Variants in NIPAL2 observed in about 807,000 individuals in gnomAD.
NIPAL2 encodes NIPA like domain containing 2.
In NIPAL2, 43 loss-of-function variants were observed where a neutral mutation model predicts 48.9. That is an observed-to-expected ratio of 0.88 (90% CI 0.69 to 1.13). The LOEUF (loss-of-function observed/expected upper bound fraction) is 1.13. NIPAL2 is among the 50% of genes most tolerant of loss of function. The pLI is 0.00. For synonymous variants in NIPAL2, 167 were observed against 174.6 expected (o/e 0.96, Z 0.34); for missense variants, 446 against 461.4 (o/e 0.97, Z 0.31).
intron 1 of NIPAL2, among the ~76,000 whole-genome samples, chr8:98,287,058 G>A (rs1407700800): frequency 2.6e-5 from 4 of 152,054 alleles, no homozygotes; most frequent in African/African-American, 4.8e-5. Flanking sequence ...GGGGAAGGGG[G>A]TAGTTAACAG....
intron 4 of NIPAL2, among the ~76,000 whole-genome samples, chr8:98,232,245 T>C (rs967311977): frequency 1.6e-4 from 25 of 152,164 alleles, no homozygotes; most frequent in Admixed American, 2.0e-4. Flanking sequence ...TTCATTCCTA[T>C]GACACTAGAT....
chr8:98,285,499 CA>C (rs1218998506), intron 1 of NIPAL2, among the ~76,000 whole-genome samples: 7 of 152,046 alleles, frequency 4.6e-5, no homozygotes, highest in Non-Finnish European at 7.4e-5. Context: ...CTCTTTCTTC[CA>C]GGGGGGTGAA....
intron 3 of NIPAL2, among the ~76,000 whole-genome samples, chr8:98,250,566 T>C (rs1813535774): frequency 6.6e-6 from 1 of 152,188 alleles, no homozygotes; most frequent in Admixed American, 6.5e-5. Context: ...TGAGTTGTGT[T>C]TGAGGCTGTA....
At chr8:98,208,461 T>C (rs1197961930) in intron 6 of NIPAL2, among the ~76,000 whole-genome samples, 1 of 152,208 alleles carries the variant, frequency 6.6e-6, no homozygotes, top group Non-Finnish European at 1.5e-5. Context: ...AGTACTTTTT[T>C]TTTTGATGTG....
Position 98,222,601 on chromosome 8 carries a change from C to T in NIPAL2, c.437-1G>A, listed in dbSNP as rs758517512. ...GTTCCTGCAAATGCCAGTGTCGTAC[C>T]TTTAAATAAAATTGAAAAGAAAAAC... On this transcript the variant is annotated splice_acceptor_variant, in intron 4 of 10. Transcript: ENST00000430223. LOFTEE classifies it high-confidence loss of function. 2.5e-6 allele frequency: 4 copies of T among 1,609,146 alleles called. No individual in the cohort carries two copies. The highest frequency in any genetic ancestry group is 1.1e-5 in the South Asian group (1 of 89,548).
At chr8:98,281,125 G>A (rs770743446) in intron 1 of NIPAL2, among the ~76,000 whole-genome samples, 23 of 152,056 alleles carry the variant, frequency 1.5e-4, no homozygotes, top group Non-Finnish European at 1.5e-4. Flanking sequence ...CTATGTAGAG[G>A]GAAAGGACAT....
intron 4 of NIPAL2, among the ~76,000 whole-genome samples, chr8:98,234,922 G>A (rs1812633161): frequency 6.6e-6 from 1 of 151,898 alleles, no homozygotes; most frequent in Non-Finnish European, 1.5e-5. Context: ...TATAAAAAAG[G>A]GTATAGAAAA....
In NIPAL2 at chr8:98,189,928, C is replaced by T. The variant is rs1810235070; in HGVS notation, c.*3050G>A. ...GCAAACATTTAAGCCAAAAAACAATCATATGGCAAAGGCCTCTGCTTTAAT... is the reference window on the plus strand; with the variant it reads ...GCAAACATTTAAGCCAAAAAACAATTATATGGCAAAGGCCTCTGCTTTAAT... On this transcript the variant is annotated 3_prime_UTR_variant, in exon 11 of 11. Coordinates refer to ENST00000430223, the MANE Select transcript of NIPAL2 (RefSeq NM_001321635.2). 6.6e-6 allele frequency: 1 copy of T among 152,202 alleles called. No homozygotes were observed. Among genetic ancestry groups the T allele is most frequent in the African/African-American group, 2.4e-5 (1 of 41,468 alleles). 9.4% of individuals were successfully genotyped at this position (152,202 alleles called of 1,614,324 possible).
intron 1 of NIPAL2, among the ~76,000 whole-genome samples, chr8:98,283,071 A>C (rs1272715426): frequency 6.6e-6 from 1 of 152,220 alleles, no homozygotes; most frequent in Non-Finnish European, 1.5e-5. Context: ...TTTCATGCCA[A>C]TTTTTAATCA....
chr8:98,251,554 C>T (rs552498151), intron 3 of NIPAL2: 1 of 152,164 alleles, frequency 6.6e-6, no homozygotes, highest in Admixed American at 6.5e-5. Flanking sequence ...TCTATTAGAC[C>T]TCATTAAAGT....
At chr8:98,202,662 C>A (rs991357198) in intron 8 of NIPAL2, among the ~76,000 whole-genome samples, 2 of 152,266 alleles carry the variant, frequency 1.3e-5, no homozygotes, top group South Asian at 4.2e-4. Context: ...CAGATGCTGG[C>A]ACCATGCTTC....
intron 4 of NIPAL2, among the ~76,000 whole-genome samples, chr8:98,223,614 A>G (rs962650388): frequency 6.6e-6 from 1 of 152,198 alleles, no homozygotes; most frequent in East Asian, 1.9e-4. Flanking sequence ...GAAGGCACCA[A>G]TTTCCTGTTC....
At position 98,192,384 on chromosome 8, in the gene NIPAL2, C is replaced by T. The variant is rs1810338319; in HGVS notation, c.*594G>A. ...CAAGGTCTTTTAATTTTGGTGTACACTATCACTGAATGCCATTTATAAATT... is the reference window on the plus strand; with the variant it reads ...CAAGGTCTTTTAATTTTGGTGTACATTATCACTGAATGCCATTTATAAATT... On this transcript the variant is annotated 3_prime_UTR_variant, in exon 11 of 11. Coordinates refer to ENST00000430223, the MANE Select transcript of NIPAL2 (RefSeq NM_001321635.2). 1 of 152,590 alleles carries T rather than the reference C, an allele frequency of 6.6e-6. No individual in the cohort carries two copies. Among genetic ancestry groups the T allele is most frequent in the South Asian group, 2.1e-4 (1 of 4,838 alleles). 9.5% of individuals were successfully genotyped at this position (152,590 alleles called of 1,614,324 possible).
intron 1 of NIPAL2, among the ~76,000 whole-genome samples, chr8:98,293,767 G>T (rs1376402160): frequency 6.6e-6 from 1 of 152,232 alleles, no homozygotes; most frequent in Non-Finnish European, 1.5e-5. Flanking sequence ...GAAGACCTGG[G>T]CGCCCACTCC....
intron 1 of NIPAL2, among the ~76,000 whole-genome samples, chr8:98,267,973 C>A (rs1238398517): frequency 1.3e-5 from 2 of 152,132 alleles, no homozygotes; most frequent in African/African-American, 2.4e-5. Flanking sequence ...TAAGAAACCA[C>A]GAAAAGAAGA....
Position 98,294,098 on chromosome 8 carries a change from A to C in NIPAL2, c.40T>G (p.Ser14Ala). 1.3e-6 allele frequency: 2 copies of C among 1,488,864 alleles called. No individual in the cohort carries two copies. Among genetic ancestry groups the C allele is most frequent in the Non-Finnish European group, 1.8e-6 (2 of 1,119,758 alleles). 92.2% of individuals were successfully genotyped at this position (1,488,864 alleles called of 1,614,324 possible). The change falls in exon 1 of 11, where the codon TCG becomes GCG. Residue 14 changes from serine to alanine, a missense_variant. By Grantham distance (99) the Ser-to-Ala change is moderately conservative. Transcript: ENST00000430223. ...AGTGACAGCTCGTCCAGGGCGGCCG[A>C]GGCGGAGTCCCCGGGGCCCGCGGGC... ...VAPAGPGDSA[S>A]AALDELSLNF...
rs1424622239 is a variant in NIPAL2 at position 98,192,830 on chromosome 8, T to C, written c.*148A>G. ...TGTCAGAGCTTAGGAAGTCCCCGAT[T>C]GTCCATAGACGCTGAGGTGGGGGAA... On this transcript the variant is annotated 3_prime_UTR_variant, in exon 11 of 11. Coordinates refer to ENST00000430223, the MANE Select transcript of NIPAL2 (RefSeq NM_001321635.2). 1 of 623,016 alleles carries C rather than the reference T, an allele frequency of 1.6e-6. No homozygotes were observed. Among genetic ancestry groups the C allele is most frequent in the African/African-American group, 1.8e-5 (1 of 54,512 alleles). 38.6% of individuals were successfully genotyped at this position (623,016 alleles called of 1,614,324 possible).
intron 5 of NIPAL2, among the ~76,000 whole-genome samples, chr8:98,219,856 C>T (rs1035186691): frequency 2.6e-5 from 4 of 152,252 alleles, no homozygotes; most frequent in East Asian, 3.9e-4. Context: ...GCTGTTCCCT[C>T]TGCTAGCAAA....
chr8:98,242,497 T>TTTTTTTTTTTG (rs1563516059), intron 3 of NIPAL2, among the ~76,000 whole-genome samples: 11 of 147,006 alleles, frequency 7.5e-5, no homozygotes, highest in Non-Finnish European at 1.2e-4. Flanking sequence ...GATTTTTTTT[T>TTTTTTTTTTTG]TTTTTTTTTT....
Sources: gnomAD v4.1 joint callset for allele counts (sites outside exome capture counted in the v4.1 genomes callset) on GRCh38, gnomAD v4.1.1 for gene constraint, MANE v1.5 for transcripts, NCBI Gene and HGNC (gene_info 2026-07-23, HGNC 2026-07-21) for gene names.